MFRP: variants seen among roughly 807,000 people sequenced by gnomAD.
MFRP encodes the protein membrane frizzled-related protein, also known as C1q and TNF related 5.
In MFRP, 74 loss-of-function variants were observed where a neutral mutation model predicts 65.8. The observed-to-expected ratio is 1.12, with a 90% confidence interval of 0.93 to 1.36. The LOEUF (loss-of-function observed/expected upper bound fraction) is 1.36, where lower values mean the gene tolerates loss of function less well. Ranked by LOEUF, MFRP falls within the 40% of genes most tolerant of loss-of-function variation. The probability of loss-of-function intolerance (pLI) is 0.00; values close to 1 mark genes in which losing one functional copy is unlikely to be tolerated. For missense variants in MFRP, 838 were observed against 736.0 expected (o/e 1.14, Z -1.60); for synonymous variants, 336 against 288.3 (o/e 1.17, Z -1.68).
intron 9 of MFRP, 53 bp from the exon 10 acceptor site, chr11:119,343,056 C>G: frequency 3.9e-6 from 6 of 1,555,540 alleles, no homozygotes; most frequent in Non-Finnish European, 5.2e-6. Flanking sequence ...ACTGAGGGGG[C>G]ACTGCAGCCT....
chr11:119,346,350 C>A lies in MFRP; in HGVS notation c.79G>T (p.Glu27Ter). The change falls in exon 2 of 15, where the codon GAG (glutamate) becomes TAG (stop). Residue 27 changes from glutamate (E) to a stop codon, truncating the protein, a stop_gained. Coordinates refer to ENST00000619721, the MANE Select transcript of MFRP (RefSeq NM_031433.4). LOFTEE classifies it high-confidence loss of function. ...SKTEFCNPAF[E>*]PESGPPCPPP... ...GGGCAGGGTGGCCCAGACTCAGGCT[C>A]GAAGGCAGGATTGCAGAACTCGGTC... 6.2e-7 allele frequency: 1 copy of A among 1,613,976 alleles called. No homozygotes were observed.
Position 119,344,350 on chromosome 11 carries a change from T to C in MFRP, c.940A>G (p.Thr314Ala), listed in dbSNP as rs762504499. The change falls in exon 8 of 15, where the codon ACT (threonine) becomes GCT (alanine). Residue 314 changes from threonine (T) to alanine (A), a missense_variant. By Grantham distance (58) the Thr-to-Ala change is moderately conservative. Transcript: ENST00000619721. Reference sequence around the variant, plus strand: ...GGGTACTGCTGCAGGTAGCTGGGAGTAGAGAAAGTGCCCTGGAGGCCAGTC... The same window carrying C: ...GGGTACTGCTGCAGGTAGCTGGGAGCAGAGAAAGTGCCCTGGAGGCCAGTC... The part of the protein sequence containing the change: ...NLTGLQGTFS[T>A]PSYLQQYPHQ... 3.7e-6 allele frequency: 6 copies of C among 1,612,858 alleles called. No homozygotes were observed. The highest frequency in any genetic ancestry group is 3.3e-5 in the Admixed American group (2 of 59,838).
chr11:119,345,543 T>A lies in MFRP; in HGVS notation c.518A>T (p.His173Leu). The A allele has an allele frequency of 6.2e-7, 1 of 1,614,016 alleles. No individual in the cohort carries two copies. Among genetic ancestry groups the A allele is most frequent in the East Asian group, 2.2e-5 (1 of 44,856 alleles). Residue 173 changes from histidine to leucine, a missense_variant, in exon 5 of 15, where the codon CAT becomes CTT. Coordinates refer to ENST00000619721, the MANE Select transcript of MFRP (RefSeq NM_031433.4). ...TGCATGGTCTGTGGCCACCTGGATA[T>A]GCCACACGCAGTGGGTGTTGGGGGG... Reference protein sequence around the residue: ...PYPPNTHCVWHIQVATDHAIQ... With the variant: ...PYPPNTHCVWLIQVATDHAIQ...
Position 119,340,187 on chromosome 11 carries a change from G to A in MFRP, c.*1107C>T. On this transcript the variant is annotated 3_prime_UTR_variant, in exon 14 of 15. Coordinates refer to ENST00000619721, the MANE Select transcript of MFRP (RefSeq NM_031433.4). ...AGCCGCGGCGGTGCCTTCTTACCCG[G>A]CCTCCCGCCCTCGCCTTTCTCTCCC... 1 of 1,514,778 alleles carries A rather than the reference G, an allele frequency of 6.6e-7. No individual in the cohort carries two copies. Among genetic ancestry groups the A allele is most frequent in the African/African-American group, 1.5e-5 (1 of 68,846 alleles). 93.8% of individuals were successfully genotyped at this position (1,514,778 alleles called of 1,614,324 possible). A position where few individuals can be genotyped will look rare whatever the true frequency, so the allele number is the denominator to read the frequency against.
chr11:119,341,488 G>T lies in MFRP; in HGVS notation c.*60C>A, dbSNP rs562519861. 15 of 1,410,618 alleles carry T rather than the reference G, an allele frequency of 1.1e-5. No homozygotes were observed. In the East Asian group the frequency reaches 3.4e-4, roughly 32 times the overall value. 87.4% of individuals were successfully genotyped at this position (1,410,618 alleles called of 1,614,324 possible). A position where few individuals can be genotyped will look rare whatever the true frequency, so the allele number is the denominator to read the frequency against. On this transcript the variant is annotated 3_prime_UTR_variant, in exon 13 of 15. Coordinates refer to ENST00000619721, the MANE Select transcript of MFRP (RefSeq NM_031433.4). ...GATGCTCCTTCCTTTGTTCCCCTGC[G>T]TGCCAGCCCTGACCGGCAAAAGAGG...
In MFRP at chr11:119,344,542, GGC is replaced by G. The variant is rs1491424127; in HGVS notation, c.898+88_898+89del. On this transcript the variant is annotated intron_variant, in intron 7 of 14. Coordinates refer to ENST00000619721, the MANE Select transcript of MFRP (RefSeq NM_031433.4). ...GACTGAGCAGGAAATGCTGACGGAGGGCCCGGTTTGAGGCTGGACCAGAGCTG... is the reference window on the plus strand; with the variant it reads ...GACTGAGCAGGAAATGCTGACGGAGGCCGGTTTGAGGCTGGACCAGAGCTG... 996 of 1,603,980 alleles carry G rather than the reference GGC, an allele frequency of 6.2e-4. 10 individuals are homozygous for G. The African/African-American group carries it at 0.012, about 19-fold the overall frequency.
rs138295825 is a variant in MFRP, at chr11:119,344,734, G to A, written c.796C>T (p.Arg266Cys). Residue 266 changes from arginine to cysteine, a missense_variant, in exon 7 of 15, where the codon CGC (arginine) becomes TGC (cysteine). Arg to Cys is a radical substitution (Grantham distance 180). Transcript: ENST00000619721. The stretch of plus-strand genomic sequence containing the variant: ...AGCAGGCAGATGAGCTGGTCACAGC[G>A]GAACTCATCATGGGCACAGCTCCCT... The part of the protein sequence containing the change: ...GRGSCAHDEF[R>C]CDQLICLLPD... The A allele has an allele frequency of 8.3e-5, 134 of 1,613,996 alleles. No homozygotes were observed. Among genetic ancestry groups the A allele is most frequent in the African/African-American group, 3.7e-4 (28 of 75,070 alleles).
chr11:119,345,612 C>T lies in MFRP; in HGVS notation c.449G>A (p.Gly150Asp). 1 of 1,613,706 alleles carries T rather than the reference C, an allele frequency of 6.2e-7. No individual in the cohort carries two copies. The highest frequency in any genetic ancestry group is 8.5e-7 in the Non-Finnish European group (1 of 1,179,976). Residue 150 changes from glycine (G) to aspartate (D), a missense_variant, in exon 5 of 15, where the codon GGC becomes GAC. Physicochemically the swap from Gly to Asp is moderately conservative, Grantham distance 94. Transcript: ENST00000619721. ...PQSTCGGLLSGPRGFFSSPNY... is the reference protein window; with the variant it reads ...PQSTCGGLLSDPRGFFSSPNY... ...AGGGCTGCTGAAGAAGCCCCTTGGGCCAGAGAGGAGGCCTCCACAGGCTGC... is the reference window on the plus strand; with the variant it reads ...AGGGCTGCTGAAGAAGCCCCTTGGGTCAGAGAGGAGGCCTCCACAGGCTGC...
At position 119,342,535 on chromosome 11, in the gene MFRP, A is replaced by C. The variant is rs891178548; in HGVS notation, c.1387+61T>G. On this transcript the variant is annotated intron_variant, in intron 11 of 14. Transcript: ENST00000619721. ...GGGATGGGACACTGTGCAGTACGGC[A>C]GTAGGGTTCTGTGAGGTGGGCACCC... is the stretch of plus-strand genomic sequence containing the variant. The C allele has an allele frequency of 3.1e-6, 5 of 1,601,014 alleles. No homozygotes were observed. The African/African-American group carries it at 5.4e-5, about 17-fold the overall frequency.
intron 9 of MFRP, 25 bp downstream of exon 9, chr11:119,343,791 C>CA: frequency 6.2e-7 from 1 of 1,613,658 alleles, no homozygotes. Flanking sequence ...TGGAGTTATC[C>CA]ATGGCTCTTC....
At position 119,341,313 on chromosome 11, in the gene MFRP, C is replaced by T. The variant is rs377666251; in HGVS notation, c.*235G>A. Reference sequence around the variant, plus strand: ...TGGATGGGAAGTGGTCTCGATTGTCCGGTGGCACAGTGTGGGGCCAGTCAG... The same window carrying T: ...TGGATGGGAAGTGGTCTCGATTGTCTGGTGGCACAGTGTGGGGCCAGTCAG... On this transcript the variant is annotated 3_prime_UTR_variant, in exon 13 of 15. Transcript: ENST00000619721. 3.6e-3 allele frequency: 2,092 copies of T among 575,568 alleles called. 67 individuals are homozygous for T. The South Asian group carries it at 0.043, about 12-fold the overall frequency. The allele number at this position is 575,568 out of a possible 1,614,324, so 35.7% of individuals were successfully genotyped here.
Position 119,340,793 on chromosome 11 carries a change from C to T in MFRP, c.*755G>A, listed in dbSNP as rs1175238142. 1 of 260,502 alleles carries T rather than the reference C, an allele frequency of 3.8e-6. No individual in the cohort carries two copies. The highest frequency in any genetic ancestry group is 1.2e-4 in the East Asian group (1 of 8,050). The allele number at this position is 260,502 out of a possible 1,614,324, so 16.1% of individuals were successfully genotyped here. A position where few individuals can be genotyped will look rare whatever the true frequency, so the allele number is the denominator to read the frequency against. ...GCCCCCGCGCTTCTCCCCGGCCAGG[C>T]GCCCCCTGCCCTGCCGTCACCCCAG... On this transcript the variant is annotated 3_prime_UTR_variant, in exon 13 of 15. Coordinates refer to ENST00000619721, the MANE Select transcript of MFRP (RefSeq NM_031433.4).
At position 119,346,577 on chromosome 11, in the gene MFRP, T is replaced by G; in HGVS notation, c.-64A>C. On this transcript the variant is annotated 5_prime_UTR_variant, in exon 1 of 15. Coordinates refer to ENST00000619721, the MANE Select transcript of MFRP (RefSeq NM_031433.4). ...CAGCCCAAGACCCCCAAGGGCCCAC[T>G]CGCTGACCACAAACTCCCTGTCAGA... is the stretch of plus-strand genomic sequence containing the variant. 3 of 1,543,456 alleles carry G rather than the reference T, an allele frequency of 1.9e-6. No individual in the cohort carries two copies. Among genetic ancestry groups the G allele is most frequent in the Non-Finnish European group, 2.7e-6 (3 of 1,117,228 alleles).
Position 119,345,020 on chromosome 11 carries a change from T to G in MFRP, c.642-16A>C. The G allele has an allele frequency of 6.3e-7, 1 of 1,598,472 alleles. No homozygotes were observed. Among genetic ancestry groups the G allele is most frequent in the Non-Finnish European group, 8.5e-7 (1 of 1,174,206 alleles). On this transcript the variant is annotated splice_polypyrimidine_tract_variant and intron_variant, in intron 5 of 14. Coordinates refer to ENST00000619721, the MANE Select transcript of MFRP (RefSeq NM_031433.4). ...TCCACAAACCCTGCAAGAAGCCAGG[T>G]TGGGGGTGAGGGAGGCTCCAAGAGC...
Position 119,339,983 on chromosome 11 carries a change from C to T in MFRP, c.*1111-135G>A. 7.6e-7 allele frequency: 1 copy of T among 1,311,028 alleles called. No homozygotes were observed. The highest frequency in any genetic ancestry group is 1.0e-6 in the Non-Finnish European group (1 of 999,376). The allele number at this position is 1,311,028 out of a possible 1,614,324, so 81.2% of individuals were successfully genotyped here. On this transcript the variant is annotated intron_variant, in intron 14 of 14. Coordinates refer to ENST00000619721, the MANE Select transcript of MFRP (RefSeq NM_031433.4). The surrounding 1 kb of genome is among the most constrained non-coding windows in gnomAD (Gnocchi z 5.4). ...AGCGCCTCCTCCCGCACGGGTACCT[C>T]CTCCACCCCTTCCCGCAGGGCAGAT... is the stretch of plus-strand genomic sequence containing the variant.
rs1445486669 is a variant in MFRP, at chr11:119,339,721, C to CCGGCTCT, written c.*1231_*1237dup. ...AGGGTGCGTCAGACGGCGGAGGCACCCGGCTCTCGGAGCGCTTGGCGCTGA... is the reference window on the plus strand; with the variant it reads ...AGGGTGCGTCAGACGGCGGAGGCACCCGGCTCTCGGCTCTCGGAGCGCTTGGCGCTGA... On this transcript the variant is annotated 3_prime_UTR_variant, in exon 15 of 15. Transcript: ENST00000619721. The surrounding 1 kb of genome is among the most constrained non-coding windows in gnomAD (Gnocchi z 5.4). 1 of 1,601,866 alleles carries CCGGCTCT rather than the reference C, an allele frequency of 6.2e-7. No individual in the cohort carries two copies. The highest frequency in any genetic ancestry group is 8.5e-7 in the Non-Finnish European group (1 of 1,178,552).
chr11:119,343,086 G>C, intron 9 of MFRP, 83 bp from the exon 10 acceptor site: 1 of 1,521,092 alleles, frequency 6.6e-7, no homozygotes. Context: ...CTGGCTCTGA[G>C]CTGGGAGCCC....
At position 119,339,610 on chromosome 11, in the gene MFRP, G is replaced by A; in HGVS notation, c.*1349C>T. 1.2e-6 allele frequency: 2 copies of A among 1,613,182 alleles called. No homozygotes were observed. The highest frequency in any genetic ancestry group is 1.7e-6 in the Non-Finnish European group (2 of 1,180,032). Reference sequence around the variant, plus strand: ...AGACGGTGGCATGGACGGCGAAGTAGTAGACCCCAGGCACCTGGCAGGTGA... The same window carrying A: ...AGACGGTGGCATGGACGGCGAAGTAATAGACCCCAGGCACCTGGCAGGTGA... On this transcript the variant is annotated 3_prime_UTR_variant, in exon 15 of 15. Coordinates refer to ENST00000619721, the MANE Select transcript of MFRP (RefSeq NM_031433.4). The surrounding 1 kb of genome is among the most constrained non-coding windows in gnomAD (Gnocchi z 5.4).
intron 8 of MFRP, 67 bp downstream of exon 8, chr11:119,344,248 A>G: frequency 7.0e-7 from 1 of 1,432,046 alleles, no homozygotes; most frequent in Non-Finnish European, 9.9e-7. Flanking sequence ...CATTCCCATT[A>G]CACTAACTTG....
Sources: gnomAD v4.1 joint callset for allele counts on GRCh38, gnomAD v4.1.1 for gene constraint, Gnocchi (gnomAD v3.1) non-coding constraint, MANE v1.5 for transcripts, NCBI Gene and HGNC (gene_info 2026-07-23, HGNC 2026-07-21) for gene names.